TMEFF2: variants seen among roughly 807,000 people sequenced by gnomAD.
The protein encoded by TMEFF2 is tomoregulin-2.
TMEFF2 carries 28 observed loss-of-function variants against 53.8 expected under a neutral mutation model. That is an observed-to-expected ratio of 0.52 (90% CI 0.39 to 0.71). The LOEUF (loss-of-function observed/expected upper bound fraction) is 0.71, where lower values mean the gene tolerates loss of function less well. Ranked by LOEUF, TMEFF2 falls within the 30% of genes least tolerant of loss-of-function variation. TMEFF2 has a pLI of 0.00. For missense variants in TMEFF2, 353 were observed against 455.2 expected (o/e 0.78, Z 2.04); for synonymous variants, 162 against 166.3 (o/e 0.97, Z 0.20).
At chr2:192,183,978 T>C (rs1030704423) in intron 3 of TMEFF2, among the ~76,000 whole-genome samples, 2 of 152,116 alleles carry the variant, frequency 1.3e-5, no homozygotes, top group Non-Finnish European at 2.9e-5. Context: ...AATGCTATTG[T>C]TCAAAACAAA....
chr2:191,963,640 G>C (rs1246523430), intron 7 of TMEFF2, among the ~76,000 whole-genome samples: 1 of 152,152 alleles, frequency 6.6e-6, no homozygotes, highest in Admixed American at 6.6e-5. Flanking sequence ...AACACAGATA[G>C]AACACCAAAG....
At chr2:191,994,494 T>A in intron 7 of TMEFF2, among the ~76,000 whole-genome samples, 1 of 151,036 alleles carries the variant, frequency 6.6e-6, no homozygotes, top group Non-Finnish European at 1.5e-5. Flanking sequence ...TCAGAAAATA[T>A]ACATATATAT....
intron 3 of TMEFF2, among the ~76,000 whole-genome samples, chr2:192,183,242 T>C (rs898749584): frequency 5.9e-5 from 9 of 152,052 alleles, no homozygotes; most frequent in African/African-American, 1.9e-4. Context: ...GAAACTTGGG[T>C]AGTCACCAGT....
chr2:192,190,295 G>A (rs1002248443), intron 2 of TMEFF2, among the ~76,000 whole-genome samples: 3 of 151,278 alleles, frequency 2.0e-5, no homozygotes, highest in African/African-American at 2.4e-5. Flanking sequence ...CTTTTTATGA[G>A]TTCATTGCTT....
At chr2:192,041,101 AC>A (rs1285045167) in intron 5 of TMEFF2, among the ~76,000 whole-genome samples, 1 of 152,178 alleles carries the variant, frequency 6.6e-6, no homozygotes, top group African/African-American at 2.4e-5. Context: ...ACAAGCAACA[AC>A]AAAGTAAATT....
intron 2 of TMEFF2, among the ~76,000 whole-genome samples, chr2:192,185,002 T>G (rs1376076159): frequency 3.9e-5 from 6 of 152,034 alleles, no homozygotes; most frequent in Non-Finnish European, 1.5e-5. Context: ...AATTTCCAAA[T>G]AGTCAGATAA....
rs190042525 is a variant in TMEFF2 at position 192,057,630 on chromosome 2, A to C, written c.536+49T>G. 2.6e-5 allele frequency: 39 copies of C among 1,482,796 alleles called. 2 individuals are homozygous for C. The highest frequency in any genetic ancestry group is 2.5e-4 in the South Asian group (22 of 88,332). The allele number at this position is 1,482,796 out of a possible 1,614,324, so 91.9% of individuals were successfully genotyped here. On this transcript the variant is annotated intron_variant, in intron 5 of 9. Coordinates refer to ENST00000272771, the MANE Select transcript of TMEFF2 (RefSeq NM_016192.4). ...GAATGGTTGATGGTGTTAAAAAGAA[A>C]TTAATCACTGTCATTATTTTGTCTA...
intron 4 of TMEFF2, among the ~76,000 whole-genome samples, chr2:192,093,097 C>T (rs535435373): frequency 1.2e-4 from 19 of 152,284 alleles, no homozygotes; most frequent in African/African-American, 4.3e-4. Context: ...TGGGCAGATG[C>T]CCATCTCTGC....
At chr2:192,148,727 G>A (rs1690313200) in intron 4 of TMEFF2, among the ~76,000 whole-genome samples, 2 of 152,004 alleles carry the variant, frequency 1.3e-5, no homozygotes, top group Admixed American at 1.3e-4. Context: ...TGGCCAGCAG[G>A]AGAGTGCAGG....
chr2:192,146,075 G>GA (rs1337170788), intron 4 of TMEFF2, among the ~76,000 whole-genome samples: 2 of 151,166 alleles, frequency 1.3e-5, no homozygotes, highest in Non-Finnish European at 3.0e-5. Flanking sequence ...ATGCAGGCAG[G>GA]AAAAAAAACA....
Position 191,978,181 on chromosome 2 carries a change from T to G in TMEFF2, c.745+20081A>C, listed in dbSNP as rs185282312. Among the ~76,000 whole-genome samples, 572 of 152,288 alleles carry G rather than the reference T, an allele frequency of 3.8e-3. 6 individuals carry two copies. Among genetic ancestry groups the G allele is most frequent in the Non-Finnish European group, 6.1e-3 (416 of 68,022 alleles). On this transcript the variant is annotated intron_variant, in intron 7 of 9. Transcript: ENST00000272771. ...ATCTGCCACAAGAGACTGTATAGTT[T>G]CGGATGTAGCCAGTATGCATCTTGC... is the stretch of plus-strand genomic sequence containing the variant.
chr2:191,967,840 C>T (rs756298045), intron 7 of TMEFF2, among the ~76,000 whole-genome samples: 8 of 152,104 alleles, frequency 5.3e-5, no homozygotes, highest in South Asian at 2.1e-4. Context: ...CTGCTCTTCC[C>T]GCATCCACTC....
At chr2:192,174,223 T>C (rs947430751) in intron 4 of TMEFF2, among the ~76,000 whole-genome samples, 1 of 151,810 alleles carries the variant, frequency 6.6e-6, no homozygotes, top group Non-Finnish European at 1.5e-5. Flanking sequence ...CAGACAAAAG[T>C]TTGTAGCATC....
At chr2:191,985,534 T>C (rs547960279) in intron 7 of TMEFF2, among the ~76,000 whole-genome samples, 1 of 152,302 alleles carries the variant, frequency 6.6e-6, no homozygotes, top group South Asian at 2.1e-4. Context: ...TCACAAGACA[T>C]TGTAAGTTTT....
At chr2:191,990,017 G>A (rs1299273885) in intron 7 of TMEFF2, among the ~76,000 whole-genome samples, 1 of 152,048 alleles carries the variant, frequency 6.6e-6, no homozygotes, top group African/African-American at 2.4e-5. Context: ...GTGGAGTACT[G>A]TCCTCCTTAA....
In TMEFF2 at chr2:191,949,373, C is replaced by T; in HGVS notation, c.*938G>A. 2 of 985,360 alleles carry T rather than the reference C, an allele frequency of 2.0e-6. No homozygotes were observed. The highest frequency in any genetic ancestry group is 2.4e-6 in the Non-Finnish European group (2 of 829,890). 61.0% of individuals were successfully genotyped at this position (985,360 alleles called of 1,614,324 possible). A position where few individuals can be genotyped will look rare whatever the true frequency, so the allele number is the denominator to read the frequency against. On this transcript the variant is annotated 3_prime_UTR_variant, in exon 10 of 10. Transcript: ENST00000272771. ...ATTACAAATTATGGTGCTGCATTAG[C>T]CACAAAGCTATTCATGGGGTATTGG...
At chr2:192,071,731 C>G (rs571874241) in intron 4 of TMEFF2, among the ~76,000 whole-genome samples, 1 of 151,772 alleles carries the variant, frequency 6.6e-6, no homozygotes, top group Non-Finnish European at 1.5e-5. Flanking sequence ...GTAAATGCTA[C>G]GTAAATAATC....
intron 2 of TMEFF2, among the ~76,000 whole-genome samples, chr2:192,186,646 C>T (rs1291309570): frequency 2.6e-5 from 4 of 152,144 alleles, no homozygotes; most frequent in Non-Finnish European, 5.9e-5. Context: ...GCTAGCTGGA[C>T]TAGTTAACAT....
chr2:191,998,930 T>C (rs1686288824), intron 6 of TMEFF2, 130 bp downstream of exon 6: 9 of 905,394 alleles, frequency 9.9e-6, no homozygotes, highest in Non-Finnish European at 1.3e-5. Flanking sequence ...CAGTAGACTC[T>C]ACTATCCATT....
Sources: gnomAD v4.1 joint callset for allele counts (sites outside exome capture counted in the v4.1 genomes callset) on GRCh38, gnomAD v4.1.1 for gene constraint, MANE v1.5 for transcripts, NCBI Gene and HGNC (gene_info 2026-07-23, HGNC 2026-07-21) for gene names.